ZC4H2: variants seen among roughly 807,000 people sequenced by gnomAD.
The protein encoded by ZC4H2 is zinc finger C4H2-type containing.
For synonymous variants in ZC4H2, 84 were observed against 66.3 expected, an observed-to-expected ratio of 1.27 and a Z score of -1.30; for missense variants, 137 against 173.9, an observed-to-expected ratio of 0.79 and a Z score of 1.19.
chrX:64,975,841 C>G (rs1931929422), intron 1 of ZC4H2, among the ~76,000 whole-genome samples: 1 of 111,068 alleles, frequency 9.0e-6, no homozygotes, highest in Middle Eastern at 4.2e-3. Context: ...CTCCCAGCTC[C>G]GCCCGCTGAG....
chrX:64,959,456 C>T (rs763786529), intron 1 of ZC4H2, among the ~76,000 whole-genome samples: 34 of 102,561 alleles, frequency 3.3e-4, no homozygotes, highest in African/African-American at 1.1e-3. Context: ...AGAAAAAATG[C>T]TACCAATTAC....
chrX:64,951,390 C>A (rs1346896047), intron 1 of ZC4H2, among the ~76,000 whole-genome samples: 1 of 111,505 alleles, frequency 9.0e-6, no homozygotes, highest in Non-Finnish European at 1.9e-5. Flanking sequence ...ACTTCCACAA[C>A]GGTTGAACTA....
chrX:65,027,577 G>A (rs192260489), intron 1 of ZC4H2, among the ~76,000 whole-genome samples: 2 of 111,564 alleles, frequency 1.8e-5, no homozygotes, highest in African/African-American at 6.5e-5. Context: ...AGAAGAGAGA[G>A]TCTGAGGTGA....
chrX:65,032,131 T>C (rs1007379200), intron 1 of ZC4H2, among the ~76,000 whole-genome samples: 1 of 111,823 alleles, frequency 8.9e-6, no homozygotes, highest in African/African-American at 3.3e-5. Flanking sequence ...GATTTTATCT[T>C]GAAACCCCAG....
At chrX:65,016,284 C>G (rs1265855775) in intron 1 of ZC4H2, among the ~76,000 whole-genome samples, 2 of 111,309 alleles carry the variant, frequency 1.8e-5, no homozygotes, top group Non-Finnish European at 3.8e-5. Context: ...GTGGGAATCA[C>G]CTGGGGAAGC....
chrX:64,931,342 C>A (rs987770699), intron 1 of ZC4H2, among the ~76,000 whole-genome samples: 5 of 111,214 alleles, frequency 4.5e-5, no homozygotes, highest in Non-Finnish European at 9.4e-5. Flanking sequence ...TTGTTTGTTC[C>A]AGTTTCATTG....
chrX:65,000,355 G>A (rs1403693155), intron 1 of ZC4H2, among the ~76,000 whole-genome samples: 2 of 111,596 alleles, frequency 1.8e-5, no homozygotes, highest in Admixed American at 9.5e-5. Flanking sequence ...ACTGTTAGAA[G>A]GAAAACTAAC....
intron 1 of ZC4H2, among the ~76,000 whole-genome samples, chrX:64,952,931 G>T (rs1387912516): frequency 1.8e-5 from 2 of 111,494 alleles, no homozygotes; most frequent in African/African-American, 3.3e-5. Context: ...ATACTACAAG[G>T]CTACAGTAAC....
intron 1 of ZC4H2, among the ~76,000 whole-genome samples, chrX:64,933,394 A>G (rs183836663): frequency 1.8e-3 from 199 of 111,476 alleles, no homozygotes; most frequent in Middle Eastern, 9.2e-3. Flanking sequence ...AATGCTGGGG[A>G]GCTAGTAGGA....
At chrX:64,985,298 A>C (rs976312960) in intron 1 of ZC4H2, among the ~76,000 whole-genome samples, 3 of 111,978 alleles carry the variant, frequency 2.7e-5, no homozygotes, top group African/African-American at 9.7e-5. Context: ...AGGTTGAACT[A>C]ATTTACATTC....
intron 1 of ZC4H2, among the ~76,000 whole-genome samples, chrX:65,001,478 A>G (rs1442968608): frequency 1.8e-5 from 2 of 112,073 alleles, no homozygotes; most frequent in Non-Finnish European, 1.9e-5. Context: ...TGTACTAATC[A>G]CTGCAAAAAC....
chrX:64,934,167 G>A (rs1345025762), intron 1 of ZC4H2, among the ~76,000 whole-genome samples: 3 of 112,187 alleles, frequency 2.7e-5, no homozygotes, highest in African/African-American at 9.7e-5. Flanking sequence ...GTGTTACCTT[G>A]TTGTGGTCCC....
At chrX:65,008,283 T>C (rs896243392) in intron 1 of ZC4H2, among the ~76,000 whole-genome samples, 1 of 111,730 alleles carries the variant, frequency 9.0e-6, no homozygotes, top group Non-Finnish European at 1.9e-5. Context: ...CCCCAGTTAA[T>C]ATGGCTTTTG....
intron 4 of ZC4H2, 46 bp from the exon 5 acceptor site, chrX:64,917,942 C>T (rs1357098224): frequency 1.7e-6 from 2 of 1,167,438 alleles, no homozygotes; most frequent in East Asian, 6.3e-5. Flanking sequence ...CAGATTCTTC[C>T]AGGCAACAAC....
At chrX:64,948,072 T>TA (rs749091312) in intron 1 of ZC4H2, among the ~76,000 whole-genome samples, 1 of 111,394 alleles carries the variant, frequency 9.0e-6, no homozygotes, top group Admixed American at 9.6e-5. Flanking sequence ...ACAAGCAAGG[T>TA]AACTGCAAGG....
At chrX:64,981,077 G>A (rs12389797), upstream of ZC4H2, among the ~76,000 whole-genome samples, 15,269 of 108,838 alleles carry the variant, frequency 0.14, 2,693 homozygotes, top group African/African-American at 0.48. Context: ...CGAATAGCCG[G>A]TGCAATGGTC....
rs368085565 is a variant in ZC4H2 at position 64,922,004 on chromosome X, A to C, written c.54-16T>G. 1.8e-5 allele frequency: 22 copies of C among 1,204,933 alleles called. No individual in the cohort carries two copies. The Admixed American group carries it at 2.0e-4, about 11-fold the overall frequency. On this transcript the variant is annotated splice_polypyrimidine_tract_variant and intron_variant, in intron 1 of 4. Transcript: ENST00000374839. ...GGTCTTGTTCCTGCAATTTGCAAAA[A>C]GCAGGAAACAGGCCAGCAAAAGAAG... is the stretch of plus-strand genomic sequence containing the variant.
intron 1 of ZC4H2, among the ~76,000 whole-genome samples, chrX:64,993,266 A>C (rs1448184727): frequency 8.9e-6 from 1 of 111,822 alleles, no homozygotes; most frequent in African/African-American, 3.3e-5. Context: ...GCATCAGTTT[A>C]GCCACCTCTT....
At position 64,928,642 on chromosome X, in the gene ZC4H2, CTT is replaced by C. The variant is rs1569204093; in HGVS notation, c.54-6656_54-6655del. Among the ~76,000 whole-genome samples, 8 of 79,930 alleles carry C rather than the reference CTT, an allele frequency of 1.0e-4. No homozygotes were observed. The East Asian group carries it at 2.4e-3, about 24-fold the overall frequency. 69.4% of individuals were successfully genotyped at this position (79,930 alleles called of 115,157 possible). A position where few individuals can be genotyped will look rare whatever the true frequency, so the allele number is the denominator to read the frequency against. On this transcript the variant is annotated intron_variant, in intron 1 of 4. Transcript: ENST00000374839. ...CTTTGCCTGCTTTCTCCTTCTTCTT[CTT>C]CTTCTTCTTCTTCTTCTTCTTCTTC...
Sources: gnomAD v4.1 joint callset for allele counts (sites outside exome capture counted in the v4.1 genomes callset) on GRCh38, gnomAD v4.1.1 for gene constraint, MANE v1.5 for transcripts, NCBI Gene and HGNC (gene_info 2026-07-23, HGNC 2026-07-21) for gene names.